The following WASF1 variants were observed in gnomAD, a reference collection of about 807,000 sequenced individuals.
WASF1 encodes WASP family member 1, also known as actin-binding protein WASF1.
Under a neutral mutation model 50.5 loss-of-function variants are expected in WASF1, and 7 were observed. That is an observed-to-expected ratio of 0.14 (90% CI 0.08 to 0.26). The LOEUF (loss-of-function observed/expected upper bound fraction) is 0.26, where lower values mean the gene tolerates loss of function less well. Ranked by LOEUF, WASF1 falls within the 10% of genes least tolerant of loss-of-function variation. The pLI is 1.00. For missense variants in WASF1, 470 were observed against 694.7 expected, an observed-to-expected ratio of 0.68 and a Z score of 3.64; for synonymous variants, 205 against 244.0, an observed-to-expected ratio of 0.84 and a Z score of 1.49.
intron 2 of WASF1, among the ~76,000 whole-genome samples, chr6:110,161,234 T>C (rs1776250966): frequency 6.6e-6 from 1 of 151,680 alleles, no homozygotes; most frequent in Non-Finnish European, 1.5e-5. Context: ...ACTGTTTAAC[T>C]GTACTAAATA....
intron 3 of WASF1, among the ~76,000 whole-genome samples, chr6:110,149,311 G>T (rs1462493): frequency 1.3e-5 from 2 of 151,396 alleles, no homozygotes; most frequent in Admixed American, 1.3e-4. Context: ...TGCTTTGTTC[G>T]CCTACATCGT....
chr6:110,108,520 C>T lies in WASF1; in HGVS notation c.422+8G>A. ...AATAATAGGGCTACTATTTATTAAC[C>T]TACCTACCTATAAGGAGTGAGTATA... On this transcript the variant is annotated splice_region_variant and intron_variant, in intron 6 of 10. Transcript: ENST00000392589. The T allele has an allele frequency of 6.2e-7, 1 of 1,600,176 alleles. No individual in the cohort carries two copies. The highest frequency in any genetic ancestry group is 8.5e-7 in the Non-Finnish European group (1 of 1,172,544).
intron 2 of WASF1, among the ~76,000 whole-genome samples, chr6:110,170,958 C>T (rs1776687869): frequency 6.6e-6 from 1 of 152,130 alleles, no homozygotes; most frequent in African/African-American, 2.4e-5. Flanking sequence ...ACTGATAAAA[C>T]TACAAGGGGA....
At chr6:110,117,972 T>C (rs1773887569) in intron 4 of WASF1, among the ~76,000 whole-genome samples, 1 of 152,132 alleles carries the variant, frequency 6.6e-6, no homozygotes, top group Non-Finnish European at 1.5e-5. Flanking sequence ...CTGAGAGATT[T>C]TGTCACCACA....
chr6:110,171,361 T>C (rs6568633), intron 2 of WASF1, among the ~76,000 whole-genome samples: 42,365 of 151,974 alleles, frequency 0.28, 8,524 homozygotes, highest in African/African-American at 0.57. Flanking sequence ...AGAGAAATTT[T>C]TTAATACTTT....
chr6:110,103,841 C>T (rs925446997), intron 8 of WASF1, among the ~76,000 whole-genome samples: 4 of 152,122 alleles, frequency 2.6e-5, no homozygotes, highest in South Asian at 2.1e-4. Context: ...AAAAGCATTA[C>T]GTACGTAATT....
At chr6:110,121,160 T>C (rs918996553) in intron 4 of WASF1, among the ~76,000 whole-genome samples, 2 of 152,038 alleles carry the variant, frequency 1.3e-5, no homozygotes, top group Non-Finnish European at 2.9e-5. Context: ...CCAAAAGCAA[T>C]GGCAAGAAAG....
At chr6:110,134,435 T>G (rs1407510922) in intron 3 of WASF1, among the ~76,000 whole-genome samples, 1 of 151,320 alleles carries the variant, frequency 6.6e-6, no homozygotes, top group African/African-American at 2.4e-5. Flanking sequence ...TTTTTTTTTC[T>G]TTTTTGGAGA....
chr6:110,109,620 C>T (rs942458113), intron 5 of WASF1, among the ~76,000 whole-genome samples: 19 of 150,060 alleles, frequency 1.3e-4, no homozygotes, highest in East Asian at 3.9e-4. Context: ...GGCACGATCT[C>T]GGCTCACTGC....
chr6:110,130,009 C>T (rs574087516), intron 3 of WASF1, among the ~76,000 whole-genome samples: 7 of 152,268 alleles, frequency 4.6e-5, no homozygotes, highest in African/African-American at 1.7e-4. Context: ...CAGTGAACAA[C>T]GGTTACTAAA....
intron 3 of WASF1, among the ~76,000 whole-genome samples, chr6:110,136,310 C>T (rs1288286010): frequency 6.6e-6 from 1 of 152,150 alleles, no homozygotes; most frequent in Non-Finnish European, 1.5e-5. Context: ...AATGTATTTA[C>T]ACTTTATTGT....
At chr6:110,177,498 T>TTTTTAATTTTAATTTTTAA (rs1219813088) in intron 2 of WASF1, among the ~76,000 whole-genome samples, 1 of 152,108 alleles carries the variant, frequency 6.6e-6, no homozygotes, top group African/African-American at 2.4e-5. Context: ...TCACAGAAAT[T>TTTTTAATTTTAATTTTTAA]TTTTAATCAT....
chr6:110,153,848 G>C (rs995412333), intron 3 of WASF1, among the ~76,000 whole-genome samples: 5 of 151,474 alleles, frequency 3.3e-5, no homozygotes. Context: ...CTGGTAATTT[G>C]AGGTTTATGC....
intron 5 of WASF1, among the ~76,000 whole-genome samples, chr6:110,110,284 G>C (rs1486308817): frequency 1.3e-5 from 2 of 152,312 alleles, no homozygotes; most frequent in East Asian, 3.9e-4. Context: ...AAACAGCAGA[G>C]CCAGAACAGA....
chr6:110,167,389 A>G (rs938346724), intron 2 of WASF1, among the ~76,000 whole-genome samples: 1 of 151,930 alleles, frequency 6.6e-6, no homozygotes, highest in Non-Finnish European at 1.5e-5. Flanking sequence ...TGACAGCTCC[A>G]TGCTTGTTAC....
intron 6 of WASF1, 124 bp downstream of exon 6, chr6:110,108,404 G>A: frequency 1.1e-6 from 1 of 917,282 alleles, no homozygotes; most frequent in South Asian, 2.4e-5. Flanking sequence ...TTCCAAAGGT[G>A]GTGGACAGAG....
At chr6:110,139,883 T>C (rs1205559701) in intron 3 of WASF1, among the ~76,000 whole-genome samples, 1 of 152,230 alleles carries the variant, frequency 6.6e-6, no homozygotes, top group African/African-American at 2.4e-5. Flanking sequence ...AAAATTATAA[T>C]AATATACTAT....
At position 110,099,970 on chromosome 6, in the gene WASF1, G is replaced by A. The variant is rs942316339; in HGVS notation, c.*552C>T. The A allele has an allele frequency of 6.6e-6, 1 of 152,502 alleles. No individual in the cohort carries two copies. Among genetic ancestry groups the A allele is most frequent in the African/African-American group, 2.4e-5 (1 of 41,416 alleles). 9.4% of individuals were successfully genotyped at this position (152,502 alleles called of 1,614,324 possible). A position where few individuals can be genotyped will look rare whatever the true frequency, so the allele number is the denominator to read the frequency against. Reference sequence around the variant, plus strand: ...TATCACACAATATATAAGTGGGAAGGGGATACTGCTAAACATTCAAATAAG... The same window carrying A: ...TATCACACAATATATAAGTGGGAAGAGGATACTGCTAAACATTCAAATAAG... On this transcript the variant is annotated 3_prime_UTR_variant, in exon 11 of 11. Transcript: ENST00000392589.
chr6:110,127,553 C>T lies in WASF1; in HGVS notation c.49G>A (p.Ala17Thr), dbSNP rs1373177940. 1 of 1,593,548 alleles carries T rather than the reference C, an allele frequency of 6.3e-7. No homozygotes were observed. Among genetic ancestry groups the T allele is most frequent in the South Asian group, 1.2e-5 (1 of 85,750 alleles). ...TCATTCTTAATGCCTCTAGGCAGTG[C>T]TGTGTGGCACAAGTGCCTAGGATCG... Reference protein sequence around the residue: ...NIDPRHLCHTALPRGIKNELE... With the variant: ...NIDPRHLCHTTLPRGIKNELE... Residue 17 changes from alanine to threonine, a missense_variant, in exon 4 of 11, where the codon GCA (alanine) becomes ACA (threonine). By Grantham distance (58) the Ala-to-Thr change is moderately conservative (BLOSUM62 0). Coordinates refer to ENST00000392589, the MANE Select transcript of WASF1 (RefSeq NM_003931.3).
Sources: gnomAD v4.1 joint callset for allele counts (sites outside exome capture counted in the v4.1 genomes callset) on GRCh38, gnomAD v4.1.1 for gene constraint, MANE v1.5 for transcripts, NCBI Gene and HGNC (gene_info 2026-07-23, HGNC 2026-07-21) for gene names.